Variants in SEC14L1 observed in about 807,000 individuals in gnomAD.
The protein encoded by SEC14L1 is SEC14-like protein 1.
SEC14L1 carries 48 observed loss-of-function variants against 85.3 expected under a neutral mutation model. The observed-to-expected ratio is 0.56, with a 90% CI of 0.45 to 0.72. The LOEUF (loss-of-function observed/expected upper bound fraction) is 0.72. Ranked by LOEUF, SEC14L1 falls within the 30% of genes least tolerant of loss-of-function variation. The pLI is 0.00. For synonymous variants in SEC14L1, 391 were observed against 355.5 expected, an observed-to-expected ratio of 1.10 and a Z score of -1.12; for missense variants, 682 against 921.4, an observed-to-expected ratio of 0.74 and a Z score of 3.36.
chr17:77,208,724 G>T (rs1223467684), intron 13 of SEC14L1, among the ~76,000 whole-genome samples: 3 of 152,168 alleles, frequency 2.0e-5, no homozygotes, highest in Non-Finnish European at 4.4e-5. Context: ...CTATGTAGTT[G>T]CTTCCCAAGG....
chr17:77,121,683 ACT>A (rs1429150222), intron 3 of SEC14L1, among the ~76,000 whole-genome samples: 2 of 151,736 alleles, frequency 1.3e-5, no homozygotes, highest in East Asian at 3.9e-4. Context: ...AACCCTCACC[ACT>A]CTGTTAGGCA....
chr17:77,127,632 A>G (rs60326123), intron 3 of SEC14L1, among the ~76,000 whole-genome samples: 8,591 of 151,870 alleles, frequency 0.057, 574 homozygotes, highest in African/African-American at 0.15. Flanking sequence ...TTACAGGCGT[A>G]AGCCACCACG....
chr17:77,182,858 C>T (rs1223530171), intron 3 of SEC14L1, among the ~76,000 whole-genome samples: 1 of 152,248 alleles, frequency 6.6e-6, no homozygotes, highest in Non-Finnish European at 1.5e-5. Flanking sequence ...AATAGAGAAG[C>T]TTTCCAGAAA....
intron 3 of SEC14L1, among the ~76,000 whole-genome samples, chr17:77,154,161 T>C (rs1428066547): frequency 6.6e-6 from 1 of 152,128 alleles, no homozygotes; most frequent in Non-Finnish European, 1.5e-5. Context: ...TTATAAGTAA[T>C]GTAGAGAGAA....
At chr17:77,201,538 C>G (rs2143118670) in intron 9 of SEC14L1, among the ~76,000 whole-genome samples, 1 of 151,802 alleles carries the variant, frequency 6.6e-6, no homozygotes, top group East Asian at 1.9e-4. Flanking sequence ...GCACCCTCCA[C>G]CTTCCGGGTT....
chr17:77,096,990 G>A (rs1321366229), intron 3 of SEC14L1, among the ~76,000 whole-genome samples: 2 of 152,186 alleles, frequency 1.3e-5, no homozygotes, highest in East Asian at 1.9e-4. Flanking sequence ...CCTTGGAAGC[G>A]TTTATCATGT....
At position 77,149,878 on chromosome 17, in the gene SEC14L1, T is replaced by A. The variant is rs1430372070; in HGVS notation, c.63+6219T>A. On this transcript the variant is annotated intron_variant, in intron 3 of 16. Coordinates refer to ENST00000436233, the MANE Select transcript of SEC14L1 (RefSeq NM_001143998.2). ...TGTGTTTTTTTTTTTTTTTTTTAATTTTCGTAAACGTTGCAAAACCTTGTT... is the reference window on the plus strand; with the variant it reads ...TGTGTTTTTTTTTTTTTTTTTTAATATTCGTAAACGTTGCAAAACCTTGTT... 2.6e-5 allele frequency among the ~76,000 whole-genome samples: 4 copies of A among 152,002 alleles called. No homozygotes were observed. The East Asian group carries it at 5.8e-4, about 22-fold the overall frequency.
At position 77,174,845 on chromosome 17, in the gene SEC14L1, G is replaced by A. The variant is rs374325607; in HGVS notation, c.64-15958G>A. 5.8e-4 allele frequency among the ~76,000 whole-genome samples: 89 copies of A among 152,314 alleles called. No homozygotes were observed. In the Middle Eastern group the frequency reaches 0.01, roughly 17 times the overall value. On this transcript the variant is annotated intron_variant, in intron 3 of 16. Coordinates refer to ENST00000436233, the MANE Select transcript of SEC14L1 (RefSeq NM_001143998.2). ...GAAGGGTGCCGCCTGCATCTGTTAC[G>A]ACTGCAAGAGCACACTGAACAAAGG...
At chr17:77,197,231 C>G (rs969216530) in intron 8 of SEC14L1, among the ~76,000 whole-genome samples, 7 of 152,216 alleles carry the variant, frequency 4.6e-5, no homozygotes, top group African/African-American at 1.2e-4. Context: ...GTTCCCACCC[C>G]CTTCTTGTTC....
Position 77,215,065 on chromosome 17 carries a change from G to T in SEC14L1, c.*1042G>T. ...ACATGGGAATTGTGGACTCATGCGT[G>T]TGTGTGTGTGCATGTGCTGTGTGTG... On this transcript the variant is annotated 3_prime_UTR_variant, in exon 17 of 17. Transcript: ENST00000436233. 1.6e-6 allele frequency: 1 copy of T among 624,874 alleles called. No homozygotes were observed. The highest frequency in any genetic ancestry group is 2.0e-6 in the Non-Finnish European group (1 of 508,766). 38.7% of individuals were successfully genotyped at this position (624,874 alleles called of 1,614,324 possible). A position where few individuals can be genotyped will look rare whatever the true frequency, so the allele number is the denominator to read the frequency against.
rs554798459 is a variant in SEC14L1 at position 77,122,007 on chromosome 17, A to G, written c.-135-20639A>G. 7.9e-4 allele frequency among the ~76,000 whole-genome samples: 120 copies of G among 152,352 alleles called. 3 individuals carry two copies. In the South Asian group the frequency reaches 0.025, roughly 31 times the overall value. On this transcript the variant is annotated intron_variant, in intron 3 of 19. Coordinates refer to the SEC14L1 transcript ENST00000392476. ...GTGTAAACATGCATTAGTCAGCAGC[A>G]GCCCACACACTGGAAAACATTGATA...
At chr17:77,189,774 G>A (rs533408295) in intron 3 of SEC14L1, among the ~76,000 whole-genome samples, 11 of 152,134 alleles carry the variant, frequency 7.2e-5, no homozygotes, top group South Asian at 2.1e-4. Flanking sequence ...AACTACAGGC[G>A]CCCGCCACCA....
chr17:77,124,310 GC>G (rs1476040542), intron 3 of SEC14L1, among the ~76,000 whole-genome samples: 1 of 152,210 alleles, frequency 6.6e-6, no homozygotes, highest in Non-Finnish European at 1.5e-5. Context: ...TCTGCAGTGA[GC>G]TGTGATCATG....
rs1472941188 is a variant in SEC14L1, at chr17:77,212,171, T to C, written c.1833T>C (p.Pro611=). 4 of 1,613,828 alleles carry C rather than the reference T, an allele frequency of 2.5e-6. No homozygotes were observed. Among genetic ancestry groups the C allele is most frequent in the Non-Finnish European group, 3.4e-6 (4 of 1,180,034 alleles). The stretch of plus-strand genomic sequence containing the variant: ...GCGACTACAGCATGGTGGAGTCGCC[T>C]CTGATCTGCAAAGAAGGAGAAAGCG... The part of the protein sequence containing the change: ...LGRDYSMVES[P]LICKEGESVQ... The change falls in exon 15 of 17, where the codon CCT becomes CCC. Residue 611 remains proline, a synonymous_variant. Coordinates refer to ENST00000436233, the MANE Select transcript of SEC14L1 (RefSeq NM_001143998.2).
chr17:77,178,195 G>C (rs758467739), intron 3 of SEC14L1, among the ~76,000 whole-genome samples: 7 of 151,958 alleles, frequency 4.6e-5, no homozygotes, highest in Non-Finnish European at 1.0e-4. Flanking sequence ...TGCTCTTGAG[G>C]AGGAGACCGT....
intron 3 of SEC14L1, among the ~76,000 whole-genome samples, chr17:77,172,138 A>C (rs538462316): frequency 2.6e-5 from 4 of 152,254 alleles, no homozygotes; most frequent in African/African-American, 9.6e-5. Context: ...ACCAGGGGGA[A>C]GATAACAAAC....
chr17:77,159,612 C>A (rs1198552015), intron 3 of SEC14L1, among the ~76,000 whole-genome samples: 2 of 151,966 alleles, frequency 1.3e-5, no homozygotes, highest in Non-Finnish European at 2.9e-5. Context: ...AACTCCTGAC[C>A]TCATGATCTG....
intron 3 of SEC14L1, among the ~76,000 whole-genome samples, chr17:77,120,479 ATTCT>A (rs766599390): frequency 4.7e-4 from 67 of 143,286 alleles, no homozygotes; most frequent in Middle Eastern, 3.7e-3. Context: ...TTCTCTCCAC[ATTCT>A]TTTTTTTTTT....
In SEC14L1 at chr17:77,204,522, C is replaced by CCTTTTTTTTTTTTTTT. The variant is rs1555628453; in HGVS notation, c.1099-754_1099-753insCTTTTTTTTTTTTTTT. Among the ~76,000 whole-genome samples, 3 of 84,728 alleles carry CCTTTTTTTTTTTTTTT rather than the reference C, an allele frequency of 3.5e-5. 1 individual carries two copies. Among genetic ancestry groups the CCTTTTTTTTTTTTTTT allele is most frequent in the African/African-American group, 7.9e-5 (2 of 25,198 alleles). The allele number at this position is 84,728 out of a possible 152,430, so 55.6% of individuals were successfully genotyped here. On this transcript the variant is annotated intron_variant, in intron 10 of 16. Coordinates refer to ENST00000436233, the MANE Select transcript of SEC14L1 (RefSeq NM_001143998.2). Reference sequence around the variant, plus strand: ...GGCTTGAGCCACCCTGCCCAGCCAGCTTTTTTTTTTTTTTTTTTTTTTTTT... The same window carrying CCTTTTTTTTTTTTTTT: ...GGCTTGAGCCACCCTGCCCAGCCAGCCTTTTTTTTTTTTTTTTTTTTTTTTTTTTTTTTTTTTTTTT...
Sources: allele counts gnomAD v4.1 joint callset (sites outside exome capture counted in the v4.1 genomes callset), GRCh38; gene constraint gnomAD v4.1.1; transcripts MANE v1.5; gene names NCBI Gene and HGNC (gene_info 2026-07-23, HGNC 2026-07-21).